Variants in CREB3L2 observed in about 807,000 individuals in gnomAD.
CREB3L2 encodes the protein cyclic AMP-responsive element-binding protein 3-like protein 2.
Under a neutral mutation model 57.2 loss-of-function variants are expected in CREB3L2, and 23 were observed. That is an observed-to-expected ratio of 0.40 (90% CI 0.29 to 0.57). The LOEUF is 0.57. CREB3L2 is among the 20% of genes least tolerant of loss of function. The pLI is 0.42. For synonymous variants in CREB3L2, 268 were observed against 265.1 expected (o/e 1.01, Z -0.11); for missense variants, 628 against 634.7 (o/e 0.99, Z 0.11).
chr7:137,882,282 A>G, intron 11 of CREB3L2, 130 bp downstream of exon 11: 1 of 653,280 alleles, frequency 1.5e-6, no homozygotes, highest in Non-Finnish European at 2.6e-6. Flanking sequence ...CAGGTCCTGG[A>G]AATAGGTCCT....
intron 1 of CREB3L2, among the ~76,000 whole-genome samples, chr7:137,989,924 C>T (rs1261344754): frequency 6.6e-6 from 1 of 152,222 alleles, no homozygotes; most frequent in Non-Finnish European, 1.5e-5. Flanking sequence ...TTCATCTACT[C>T]CTCCCTGTTG....
In CREB3L2 at chr7:137,906,630, GCT is replaced by G. The variant is rs560129022; in HGVS notation, c.769-784_769-783del. 8.5e-5 allele frequency among the ~76,000 whole-genome samples: 13 copies of G among 152,266 alleles called. No homozygotes were observed. The South Asian group carries it at 2.7e-3, about 32-fold the overall frequency. On this transcript the variant is annotated intron_variant, in intron 5 of 11. Transcript: ENST00000330387. The stretch of plus-strand genomic sequence containing the variant: ...CTGTAATCTTAGCTGATATGGTTTG[GCT>G]CTGTGTCCCCACCCAAATCTCATTT...
intron 1 of CREB3L2, among the ~76,000 whole-genome samples, chr7:137,954,257 C>T (rs889188023): frequency 6.6e-6 from 1 of 151,920 alleles, no homozygotes; most frequent in African/African-American, 2.4e-5. Context: ...TGCTTGTTTA[C>T]ATTTGGCTTG....
intron 8 of CREB3L2, among the ~76,000 whole-genome samples, chr7:137,896,553 G>C (rs1415497173): frequency 6.6e-6 from 1 of 152,228 alleles, no homozygotes; most frequent in African/African-American, 2.4e-5. Context: ...CACCAGCCAC[G>C]GCCTCCCAAA....
Position 137,876,190 on chromosome 7 carries a change from A to G in CREB3L2, c.*4286T>C, listed in dbSNP as rs936461881. 1 of 232,534 alleles carries G rather than the reference A, an allele frequency of 4.3e-6. No individual in the cohort carries two copies. The highest frequency in any genetic ancestry group is 8.5e-6 in the Non-Finnish European group (1 of 117,510). 14.4% of individuals were successfully genotyped at this position (232,534 alleles called of 1,614,324 possible). ...ACCACTTTTGAGCCTTCAGAAAAAA[A>G]TTTTTCCCCACACCCAACTCAATCT... On this transcript the variant is annotated 3_prime_UTR_variant, in exon 12 of 12. Coordinates refer to ENST00000330387, the MANE Select transcript of CREB3L2 (RefSeq NM_194071.4).
At chr7:137,947,865 A>T (rs1280509615) in intron 1 of CREB3L2, among the ~76,000 whole-genome samples, 2 of 152,122 alleles carry the variant, frequency 1.3e-5, no homozygotes, top group East Asian at 3.8e-4. Flanking sequence ...ATCCACCTCC[A>T]CATCCACTTC....
In CREB3L2 at chr7:137,991,138, C is replaced by T. The variant is rs187616017; in HGVS notation, c.102+10466G>A. 2.1e-3 allele frequency among the ~76,000 whole-genome samples: 317 copies of T among 151,958 alleles called. 5 individuals are homozygous for T. Among genetic ancestry groups the T allele is most frequent in the Middle Eastern group, 6.8e-3 (2 of 294 alleles). On this transcript the variant is annotated intron_variant, in intron 1 of 11. Coordinates refer to ENST00000330387, the MANE Select transcript of CREB3L2 (RefSeq NM_194071.4). Reference sequence around the variant, plus strand: ...TGAATGCTGCTGGTGCTGCTGTCGTCGTGGCTGTCATTGTTTTACATAGCT... The same window carrying T: ...TGAATGCTGCTGGTGCTGCTGTCGTTGTGGCTGTCATTGTTTTACATAGCT...
At chr7:137,891,637 G>A (rs755499406) in intron 8 of CREB3L2, among the ~76,000 whole-genome samples, 72 of 151,850 alleles carry the variant, frequency 4.7e-4, no homozygotes, top group Admixed American at 4.1e-3. Context: ...GTGCAGTGGC[G>A]TGATCCAGGC....
chr7:137,927,431 G>A (rs1293372915), intron 2 of CREB3L2, among the ~76,000 whole-genome samples: 1 of 149,054 alleles, frequency 6.7e-6, no homozygotes, highest in Non-Finnish European at 1.5e-5. Flanking sequence ...GCAAGGGAGG[G>A]AGGGGAAAGG....
intron 1 of CREB3L2, chr7:137,957,675 T>C (rs1254449001): frequency 7.4e-6 from 6 of 813,326 alleles, no homozygotes; most frequent in Non-Finnish European, 1.1e-5. Context: ...GAAGAATATA[T>C]TAATAACCCA....
At chr7:137,918,471 G>A (rs1053736628) in intron 2 of CREB3L2, among the ~76,000 whole-genome samples, 5 of 152,074 alleles carry the variant, frequency 3.3e-5, no homozygotes, top group African/African-American at 1.2e-4. Context: ...GTGAGCCACC[G>A]TGAACAGCCA....
At position 137,915,819 on chromosome 7, in the gene CREB3L2, G is replaced by A. The variant is rs749439578; in HGVS notation, c.495+18C>T. On this transcript the variant is annotated intron_variant, in intron 3 of 11. Transcript: ENST00000330387. ...TCTTTTAATCCAACCTGTTTAAACA[G>A]ACGAAAATTGAGCATACCCCAGTGT... 1.2e-6 allele frequency: 2 copies of A among 1,609,282 alleles called. No homozygotes were observed. The highest frequency in any genetic ancestry group is 1.7e-6 in the Non-Finnish European group (2 of 1,177,402).
intron 1 of CREB3L2, among the ~76,000 whole-genome samples, chr7:137,996,398 T>A (rs1801988924): frequency 6.6e-6 from 1 of 152,216 alleles, no homozygotes; most frequent in Non-Finnish European, 1.5e-5. Flanking sequence ...TTATACTTAC[T>A]TCCCAATTCT....
chr7:137,913,104 T>C, intron 3 of CREB3L2, 26 bp from the exon 4 acceptor site: 2 of 1,608,206 alleles, frequency 1.2e-6, no homozygotes, highest in Non-Finnish European at 1.7e-6. Context: ...CAAACACAAT[T>C]TTTAAAAACC....
chr7:137,959,476 A>C (rs1389540365), intron 1 of CREB3L2, among the ~76,000 whole-genome samples: 1 of 152,220 alleles, frequency 6.6e-6, no homozygotes, highest in African/African-American at 2.4e-5. Flanking sequence ...ACCCAGCTGA[A>C]ACCAGCAGAA....
chr7:137,886,144 TTGTAAG>T (rs1291863980), intron 8 of CREB3L2, among the ~76,000 whole-genome samples: 1 of 152,218 alleles, frequency 6.6e-6, no homozygotes, highest in African/African-American at 2.4e-5. Context: ...TTTCTGTTGT[TTGTAAG>T]TGACCTCGTT....
chr7:137,908,074 G>A lies in CREB3L2; in HGVS notation c.768+178C>T, dbSNP rs1336676827. 2.6e-5 allele frequency among the ~76,000 whole-genome samples: 4 copies of A among 152,300 alleles called. No individual in the cohort carries two copies. The East Asian group carries it at 5.8e-4, about 22-fold the overall frequency. ...TGTGGTAGTAAAAGGTGAGATGTGC[G>A]GGCAGTTCCTAGAAAGTGTTCTTTA... On this transcript the variant is annotated intron_variant, in intron 5 of 11. Coordinates refer to ENST00000330387, the MANE Select transcript of CREB3L2 (RefSeq NM_194071.4).
Position 137,993,006 on chromosome 7 carries a change from G to T in CREB3L2, c.102+8598C>A, listed in dbSNP as rs182679249. Among the ~76,000 whole-genome samples the T allele has an allele frequency of 2.6e-5, 4 of 152,250 alleles. No individual in the cohort carries two copies. In the East Asian group the frequency reaches 7.7e-4, roughly 29 times the overall value. ...AGAGAAAAGAAATGAGTAAGAGGGA[G>T]CATCTGGCAAACATGTGTTCAAGGC... On this transcript the variant is annotated intron_variant, in intron 1 of 11. Coordinates refer to ENST00000330387, the MANE Select transcript of CREB3L2 (RefSeq NM_194071.4).
chr7:137,982,923 C>A (rs902866372), intron 1 of CREB3L2, among the ~76,000 whole-genome samples: 2 of 152,128 alleles, frequency 1.3e-5, no homozygotes, highest in Non-Finnish European at 2.9e-5. Context: ...GTCTCTACCA[C>A]AGGAGGACAT....
Sources: gnomAD v4.1 joint callset for allele counts (sites outside exome capture counted in the v4.1 genomes callset) on GRCh38, gnomAD v4.1.1 for gene constraint, MANE v1.5 for transcripts, NCBI Gene and HGNC (gene_info 2026-07-23, HGNC 2026-07-21) for gene names.